BNC2: variants seen among roughly 807,000 people sequenced by gnomAD.
BNC2 encodes the protein basonuclin zinc finger protein 2.
BNC2 carries 20 observed loss-of-function variants against 76.3 expected under a neutral mutation model. The ratio of observed to expected loss-of-function variants is 0.26; its 90% CI spans 0.18 to 0.38. BNC2 has a LOEUF of 0.38. BNC2 is among the 10% of genes least tolerant of loss of function. BNC2 has a pLI of 1.00. For synonymous variants in BNC2, 582 were observed against 514.8 expected, an observed-to-expected ratio of 1.13 and a Z score of -1.77; for missense variants, 1,382 against 1,399.8, an observed-to-expected ratio of 0.99 and a Z score of 0.20.
intron 5 of BNC2, among the ~76,000 whole-genome samples, chr9:16,456,158 C>T (rs554836081): frequency 1.3e-5 from 2 of 152,042 alleles, no homozygotes; most frequent in Non-Finnish European, 2.9e-5. Context: ...AAATTAAGGT[C>T]AAAATTTCAC....
At chr9:16,630,728 A>G (rs1254553707) in intron 3 of BNC2, among the ~76,000 whole-genome samples, 1 of 143,130 alleles carries the variant, frequency 7.0e-6, no homozygotes. Context: ...CCTGTGTATT[A>G]TTTAAAAATG....
chr9:16,574,427 C>A (rs559949133), intron 4 of BNC2, among the ~76,000 whole-genome samples: 1 of 152,146 alleles, frequency 6.6e-6, no homozygotes, highest in South Asian at 2.1e-4. Context: ...TTTTAACTGG[C>A]GCAATTCTCA....
chr9:16,528,414 G>A (rs999962340), intron 5 of BNC2, among the ~76,000 whole-genome samples: 3 of 152,002 alleles, frequency 2.0e-5, no homozygotes, highest in Non-Finnish European at 2.9e-5. Context: ...AGTATATATT[G>A]AGCTTTCAGG....
intron 4 of BNC2, among the ~76,000 whole-genome samples, chr9:16,556,098 G>C (rs1440188850): frequency 6.6e-6 from 1 of 152,006 alleles, no homozygotes; most frequent in African/African-American, 2.4e-5. Flanking sequence ...CCAAGAGTTT[G>C]AGATCAGCTT....
At chr9:16,528,971 G>A (rs896035897) in intron 5 of BNC2, among the ~76,000 whole-genome samples, 1 of 152,194 alleles carries the variant, frequency 6.6e-6, no homozygotes, top group African/African-American at 2.4e-5. Context: ...GAGTAGGGCT[G>A]TGTTCCACTC....
intron 1 of BNC2, among the ~76,000 whole-genome samples, chr9:16,815,247 G>A (rs1818154989): frequency 6.6e-6 from 1 of 152,108 alleles, no homozygotes. Context: ...TGGAGTGTAG[G>A]GTAAACATAG....
intron 1 of BNC2, among the ~76,000 whole-genome samples, chr9:16,788,293 C>A (rs1054160778): frequency 2.2e-4 from 34 of 152,040 alleles, no homozygotes; most frequent in African/African-American, 7.5e-4. Context: ...GTGGCTCACG[C>A]CTGTAATCCC....
intron 1 of BNC2, among the ~76,000 whole-genome samples, chr9:16,791,883 A>C (rs536218218): frequency 6.7e-4 from 102 of 152,282 alleles, no homozygotes; most frequent in African/African-American, 2.4e-3. Context: ...CAGGTGGATC[A>C]CTTAAGCCCA....
chr9:16,677,025 A>G (rs1295467429), intron 3 of BNC2, among the ~76,000 whole-genome samples: 1 of 152,240 alleles, frequency 6.6e-6, no homozygotes, highest in Non-Finnish European at 1.5e-5. Context: ...AAAATTATAA[A>G]ACTGTTTTTA....
Position 16,419,453 on chromosome 9 carries a change from G to T in BNC2, c.2836C>A (p.Leu946Met). ...SSPAGTEDSHLNGYGRGMAED... is the reference protein window; with the variant it reads ...SSPAGTEDSHMNGYGRGMAED... ...GCCATGCCTCTCCCATACCCGTTCA[G>T]GTGGGAGTCTTCAGTCCCTGCGGGA... The change falls in exon 7 of 7, where the codon CTG (leucine) becomes ATG (methionine). Residue 946 changes from leucine to methionine, a missense_variant. Physicochemically the swap from Leu to Met is conservative, Grantham distance 15. Around this residue, in one of 3 missense-constraint regions of BNC2, gnomAD observed 798 missense variants for 775.5 expected, o/e 1.03. Transcript: ENST00000380672. 6.2e-7 allele frequency: 1 copy of T among 1,613,366 alleles called. No individual in the cohort carries two copies. Among genetic ancestry groups the T allele is most frequent in the Non-Finnish European group, 8.5e-7 (1 of 1,179,558 alleles).
At chr9:16,844,738 A>G (rs1225443523) in intron 1 of BNC2, among the ~76,000 whole-genome samples, 1 of 152,108 alleles carries the variant, frequency 6.6e-6, no homozygotes, top group Non-Finnish European at 1.5e-5. Context: ...ACCTCAGGTG[A>G]TCCACCTGCC....
intron 3 of BNC2, among the ~76,000 whole-genome samples, chr9:16,660,899 G>C (rs1822092496): frequency 6.6e-6 from 1 of 152,154 alleles, no homozygotes; most frequent in South Asian, 2.1e-4. Context: ...GATGGACATA[G>C]ATTATATGCA....
chr9:16,537,347 C>A (rs1272335172), intron 5 of BNC2, among the ~76,000 whole-genome samples: 1 of 152,010 alleles, frequency 6.6e-6, no homozygotes, highest in Non-Finnish European at 1.5e-5. Context: ...TTTGAAAAAT[C>A]TTTTAAAAGT....
intron 1 of BNC2, among the ~76,000 whole-genome samples, chr9:16,837,439 G>C (rs1224356327): frequency 6.6e-6 from 1 of 152,210 alleles, no homozygotes; most frequent in Non-Finnish European, 1.5e-5. Flanking sequence ...TGCAGGCAGA[G>C]GTTGCAGAGA....
chr9:16,596,402 TTC>T (rs961842637), intron 3 of BNC2, among the ~76,000 whole-genome samples: 5 of 148,102 alleles, frequency 3.4e-5, no homozygotes, highest in Admixed American at 2.0e-4. Context: ...ATTCATATTT[TTC>T]TCTCTCTCCC....
chr9:16,436,596 C>A lies in BNC2; in HGVS notation c.1598G>T (p.Ser533Ile). Reference sequence around the variant, plus strand: ...AAAACCCATTGGGGGTCGGCCAGGGCTTGTGAGTGCCAGATTTGATTTTGT... The same window carrying A: ...AAAACCCATTGGGGGTCGGCCAGGGATTGTGAGTGCCAGATTTGATTTTGT... ...ASTKSNLALTSPGRPPMGFTT... is the reference protein window; with the variant it reads ...ASTKSNLALTIPGRPPMGFTT... The change falls in exon 6 of 7, where the codon AGC becomes ATC. Residue 533 changes from serine (S) to isoleucine (I), a missense_variant. Physicochemically the swap from Ser to Ile is moderately radical, Grantham distance 142. This residue lies in a region of BNC2 where 798 missense variants were observed against 775.5 expected (regional missense o/e 1.03). Transcript: ENST00000380672. 6.2e-7 allele frequency: 1 copy of A among 1,614,050 alleles called. No individual in the cohort carries two copies. The highest frequency in any genetic ancestry group is 8.5e-7 in the Non-Finnish European group (1 of 1,180,016).
chr9:16,567,873 A>G (rs1819212557), intron 4 of BNC2, among the ~76,000 whole-genome samples: 1 of 152,232 alleles, frequency 6.6e-6, no homozygotes, highest in South Asian at 2.1e-4. Context: ...GTGAAGTACA[A>G]TGATTTTTCA....
intron 5 of BNC2, among the ~76,000 whole-genome samples, chr9:16,511,126 T>TTTTA (rs1822744285): frequency 6.7e-6 from 1 of 149,748 alleles, no homozygotes; most frequent in Non-Finnish European, 1.5e-5. Flanking sequence ...TTTTTTTTTT[T>TTTTA]AAGAAACAGG....
chr9:16,616,752 G>A (rs528327892), intron 3 of BNC2, among the ~76,000 whole-genome samples: 16 of 147,580 alleles, frequency 1.1e-4, no homozygotes, highest in Admixed American at 6.2e-4. Context: ...AAGGAAGGAG[G>A]GCAGGAAGAC....
Sources: allele counts gnomAD v4.1 joint callset (sites outside exome capture counted in the v4.1 genomes callset), GRCh38; gene constraint gnomAD v4.1.1; regional missense constraint gnomAD v4.1.1; transcripts MANE v1.5; gene names NCBI Gene and HGNC (gene_info 2026-07-23, HGNC 2026-07-21).